Variants in NELL1 observed in about 807,000 individuals in gnomAD.
The protein encoded by NELL1 is neural EGFL like 1, also known as protein kinase C-binding protein NELL1.
In NELL1, 76 loss-of-function variants were observed where a neutral mutation model predicts 107.4. The observed-to-expected ratio is 0.71, with a 90% CI of 0.59 to 0.86. The LOEUF (loss-of-function observed/expected upper bound fraction) is 0.86, where lower values mean the gene tolerates loss of function less well. NELL1 is among the 40% of genes least tolerant of loss of function. The probability of loss-of-function intolerance (pLI) is 0.00; values close to 1 mark genes in which losing one functional copy is unlikely to be tolerated. For missense variants in NELL1, 1,024 were observed against 1,005.5 expected, an observed-to-expected ratio of 1.02 and a Z score of -0.25; for synonymous variants, 353 against 341.2, an observed-to-expected ratio of 1.03 and a Z score of -0.38.
In NELL1 at chr11:21,510,920, G is replaced by A. The variant is rs115120395; in HGVS notation, c.1646-23454G>A. Among the ~76,000 whole-genome samples the A allele has an allele frequency of 6.6e-3, 1,008 of 152,244 alleles. 15 individuals carry two copies. The highest frequency in any genetic ancestry group is 0.023 in the African/African-American group (955 of 41,546). ...TTCAATGATTAAAATTGAAGTTGTA[G>A]TTTTATTTAAGATAATGGAGACAGA... On this transcript the variant is annotated intron_variant, in intron 15 of 19. Coordinates refer to ENST00000357134, the MANE Select transcript of NELL1 (RefSeq NM_006157.5).
chr11:21,557,778 C>T (rs1043700934), intron 16 of NELL1, among the ~76,000 whole-genome samples: 25 of 151,966 alleles, frequency 1.6e-4, no homozygotes, highest in African/African-American at 5.1e-4. Flanking sequence ...GCTTGTTGAA[C>T]ACTCTAAAGA....
At chr11:21,261,537 A>G (rs1228625840) in intron 14 of NELL1, among the ~76,000 whole-genome samples, 2 of 151,774 alleles carry the variant, frequency 1.3e-5, no homozygotes, top group South Asian at 2.1e-4. Flanking sequence ...AGCCCTCACA[A>G]AACTCTGTGA....
intron 15 of NELL1, among the ~76,000 whole-genome samples, chr11:21,456,077 C>T (rs1853723121): frequency 6.6e-6 from 1 of 151,742 alleles, no homozygotes; most frequent in Non-Finnish European, 1.5e-5. Flanking sequence ...ATTTTTTATA[C>T]AGACAGGGTT....
intron 15 of NELL1, among the ~76,000 whole-genome samples, chr11:21,519,785 A>G (rs1436997483): frequency 3.3e-5 from 5 of 152,084 alleles, no homozygotes; most frequent in Admixed American, 1.3e-4. Context: ...CAAGCCTTCA[A>G]ATAGACTCCA....
chr11:21,329,645 G>C (rs7943428), intron 14 of NELL1, among the ~76,000 whole-genome samples: 15,458 of 151,846 alleles, frequency 0.1, 1,044 homozygotes, highest in Non-Finnish European at 0.15. Context: ...ATACATATAA[G>C]CCTTTTTAAA....
intron 16 of NELL1, among the ~76,000 whole-genome samples, chr11:21,539,370 C>A (rs1856230925): frequency 6.6e-6 from 1 of 152,014 alleles, no homozygotes; most frequent in Non-Finnish European, 1.5e-5. Flanking sequence ...GTACCCTCTG[C>A]CTTTTCACAA....
intron 12 of NELL1, among the ~76,000 whole-genome samples, chr11:20,995,553 G>A (rs956216423): frequency 6.6e-6 from 1 of 151,718 alleles, no homozygotes; most frequent in South Asian, 2.1e-4. Flanking sequence ...ACTCCAGCCT[G>A]AGCAGCAGAG....
intron 15 of NELL1, among the ~76,000 whole-genome samples, chr11:21,452,207 T>C (rs1034986874): frequency 3.0e-4 from 45 of 152,236 alleles, no homozygotes; most frequent in African/African-American, 1.0e-3. Flanking sequence ...ACAATATCTC[T>C]CAGGTGAGAA....
At chr11:21,432,561 T>C (rs1375783587) in intron 15 of NELL1, among the ~76,000 whole-genome samples, 1 of 152,118 alleles carries the variant, frequency 6.6e-6, no homozygotes, top group African/African-American at 2.4e-5. Context: ...ATATTGTACA[T>C]TTTTGATAAT....
intron 13 of NELL1, among the ~76,000 whole-genome samples, chr11:21,143,104 T>A (rs893386885): frequency 1.3e-5 from 2 of 152,002 alleles, no homozygotes; most frequent in African/African-American, 4.8e-5. Context: ...TGCACGTGAG[T>A]CTCCAGGCCA....
intron 15 of NELL1, among the ~76,000 whole-genome samples, chr11:21,445,671 G>A (rs947979483): frequency 6.6e-6 from 1 of 152,040 alleles, no homozygotes; most frequent in Non-Finnish European, 1.5e-5. Flanking sequence ...ATTTCATATT[G>A]CTTATTAATA....
At chr11:20,934,022 T>A (rs1201681531) in intron 9 of NELL1, among the ~76,000 whole-genome samples, 1 of 152,158 alleles carries the variant, frequency 6.6e-6, no homozygotes, top group African/African-American at 2.4e-5. Context: ...CTAATCACCC[T>A]GAAAGATGTT....
At chr11:20,950,272 A>G (rs1017454494) in intron 11 of NELL1, among the ~76,000 whole-genome samples, 1 of 152,196 alleles carries the variant, frequency 6.6e-6, no homozygotes, top group Non-Finnish European at 1.5e-5. Flanking sequence ...CCATCAGGCA[A>G]TCAGGAAATG....
chr11:21,486,162 C>A (rs1317859321), intron 15 of NELL1, among the ~76,000 whole-genome samples: 1 of 152,098 alleles, frequency 6.6e-6, no homozygotes, highest in Non-Finnish European at 1.5e-5. Context: ...TACCTGGAAG[C>A]CCAAGAATCA....
intron 15 of NELL1, among the ~76,000 whole-genome samples, chr11:21,507,930 A>G (rs143811243): frequency 0.18 from 26,637 of 151,516 alleles, 2,402 homozygotes; most frequent in East Asian, 0.28. Flanking sequence ...ACAGGTGTGC[A>G]CCACTACGCC....
intron 2 of NELL1, among the ~76,000 whole-genome samples, chr11:20,692,883 G>A (rs935522830): frequency 2.0e-5 from 3 of 152,092 alleles, no homozygotes; most frequent in Admixed American, 6.6e-5. Flanking sequence ...GTTGACAGTG[G>A]GGTGTTAAAG....
chr11:20,990,001 A>C (rs1186451867), intron 12 of NELL1, among the ~76,000 whole-genome samples: 1 of 151,942 alleles, frequency 6.6e-6, no homozygotes, highest in East Asian at 1.9e-4. Flanking sequence ...CGTCTCAAAA[A>C]AAAAAAAAAA....
At chr11:21,384,759 C>T (rs1010243439) in intron 15 of NELL1, among the ~76,000 whole-genome samples, 4 of 151,888 alleles carry the variant, frequency 2.6e-5, no homozygotes, top group African/African-American at 9.7e-5. Flanking sequence ...ATCCATGTCC[C>T]TACAAAGGAC....
rs1267425395 is a variant in NELL1, at chr11:21,222,170, GTTTGTTTGTTTTGTT to G, written c.1427-7149_1427-7135del. Among the ~76,000 whole-genome samples, 256 of 151,658 alleles carry G rather than the reference GTTTGTTTGTTTTGTT, an allele frequency of 1.7e-3. 1 individual carries two copies. The highest frequency in any genetic ancestry group is 6.0e-3 in the African/African-American group (248 of 41,344). ...TTGTTTCTTTGATCTTTTGTATTTT[GTTTGTTTGTTTTGTT>G]TTTGTTTGTTTTTTGAGAGAGTCTT... On this transcript the variant is annotated intron_variant, in intron 13 of 19. Coordinates refer to ENST00000357134, the MANE Select transcript of NELL1 (RefSeq NM_006157.5).
Sources: allele counts gnomAD v4.1 joint callset (sites outside exome capture counted in the v4.1 genomes callset), GRCh38; gene constraint gnomAD v4.1.1; transcripts MANE v1.5; gene names NCBI Gene and HGNC (gene_info 2026-07-23, HGNC 2026-07-21).